Variants in OTOGL observed in about 807,000 individuals in gnomAD.
The protein encoded by OTOGL is otogelin-like protein.
OTOGL carries 285 observed loss-of-function variants against 318.5 expected under a neutral mutation model. The observed-to-expected ratio is 0.89, with a 90% CI of 0.81 to 0.99. OTOGL has a LOEUF of 0.99. OTOGL is among the 50% of genes least tolerant of loss of function. The pLI, the probability that OTOGL is intolerant of heterozygous loss-of-function variation, is 0.00. For missense variants in OTOGL, 2,899 were observed against 2,845.6 expected (o/e 1.02, Z -0.43); for synonymous variants, 987 against 936.5 (o/e 1.05, Z -0.99).
At chr12:80,127,056 T>A (rs1452776995) in intron 1 of OTOGL, among the ~76,000 whole-genome samples, 6 of 152,222 alleles carry the variant, frequency 3.9e-5, no homozygotes, top group Non-Finnish European at 7.3e-5. Flanking sequence ...AGGTTGATAT[T>A]GTTATGTGTG....
chr12:80,230,185 C>T (rs548796789), intron 8 of OTOGL, among the ~76,000 whole-genome samples: 162 of 152,168 alleles, frequency 1.1e-3, no homozygotes, highest in African/African-American at 3.6e-3. Flanking sequence ...TTCTTTCCAG[C>T]GCAATGGCTT....
intron 1 of OTOGL, among the ~76,000 whole-genome samples, chr12:80,115,469 C>T (rs1347578304): frequency 6.6e-6 from 1 of 151,946 alleles, no homozygotes. Flanking sequence ...TCCTCTGCTT[C>T]CTCTGGAGCA....
At chr12:80,287,431 A>G (rs951381031) in intron 26 of OTOGL, among the ~76,000 whole-genome samples, 8 of 151,682 alleles carry the variant, frequency 5.3e-5, no homozygotes, top group Admixed American at 2.6e-4. Context: ...TCCAGAGCTG[A>G]GTTCCAGTCC....
chr12:80,257,457 A>G (rs571325815), intron 17 of OTOGL, among the ~76,000 whole-genome samples: 1 of 152,068 alleles, frequency 6.6e-6, no homozygotes. Context: ...GATGATAGAG[A>G]TGGAGAGAAG....
At chr12:80,328,319 A>AAAC (rs3045899) in intron 35 of OTOGL, among the ~76,000 whole-genome samples, 27,189 of 148,456 alleles carry the variant, frequency 0.18, 4,143 homozygotes, top group African/African-American at 0.42. Context: ...ACCCTGTCAC[A>AAAC]AACAACAACA....
At chr12:80,150,861 AT>A in intron 1 of OTOGL, among the ~76,000 whole-genome samples, 1 of 152,328 alleles carries the variant, frequency 6.6e-6, no homozygotes, top group East Asian at 1.9e-4. Flanking sequence ...GATGCTTTTT[AT>A]TTACTTTTAA....
chr12:80,147,666 C>T (rs1174477605), intron 1 of OTOGL, among the ~76,000 whole-genome samples: 1 of 152,028 alleles, frequency 6.6e-6, no homozygotes, highest in African/African-American at 2.4e-5. Flanking sequence ...GTTAAAGTCT[C>T]CCATTGTTAA....
At chr12:80,286,616 C>T (rs1455273237) in intron 26 of OTOGL, among the ~76,000 whole-genome samples, 5 of 152,176 alleles carry the variant, frequency 3.3e-5, no homozygotes, top group Middle Eastern at 3.4e-3. Context: ...GTGTATGTGT[C>T]CAGGAATTTA....
intron 46 of OTOGL, 139 bp downstream of exon 46, chr12:80,353,649 T>G (rs1889700273): frequency 1.4e-6 from 1 of 711,278 alleles, no homozygotes; most frequent in Admixed American, 3.9e-5. Context: ...GTTTGTAGTT[T>G]GATTTTAATA....
chr12:80,112,708 T>C (rs959094023), intron 1 of OTOGL, among the ~76,000 whole-genome samples: 7 of 146,170 alleles, frequency 4.8e-5, no homozygotes, highest in Non-Finnish European at 9.0e-5. Context: ...AAATTTTCTT[T>C]CTTTTTTTTT....
intron 26 of OTOGL, among the ~76,000 whole-genome samples, chr12:80,292,161 T>C (rs933884931): frequency 5.3e-5 from 8 of 152,124 alleles, no homozygotes; most frequent in Admixed American, 1.3e-4. Context: ...GCTAATTTTG[T>C]ATTTTTAGTA....
Position 80,313,567 on chromosome 12 carries a change from C to T in OTOGL, c.3542C>T (p.Ala1181Val). The T allele has an allele frequency of 6.2e-7, 1 of 1,612,106 alleles. No individual in the cohort carries two copies. Among genetic ancestry groups the T allele is most frequent in the Middle Eastern group, 1.7e-4 (1 of 6,056 alleles). The change falls in exon 31 of 59, where the codon GCT becomes GTT. Residue 1181 changes from alanine (A) to valine (V), a missense_variant. Physicochemically the swap from Ala to Val is moderately conservative, Grantham distance 64. This residue lies in a region of OTOGL where 2,607 missense variants were observed against 2,524.9 expected (regional missense o/e 1.03). Transcript: ENST00000547103. ...GDCECLCTSI[A>V]AYAYKCCQEG... ...TGTGAGTGTTTGTGCACTAGTATAG[C>T]TGCATATGCATACAAGTGTTGTCAG...
At position 80,353,357 on chromosome 12, in the gene OTOGL, C is replaced by A; in HGVS notation, c.5440C>A (p.Pro1814Thr). The change falls in exon 46 of 59, where the codon CCC becomes ACC. Residue 1814 changes from proline (P) to threonine (T), a missense_variant. Pro to Thr is a conservative substitution (Grantham distance 38). Transcript: ENST00000547103. ...LSCPEGKEYQ[P>T]CVRPCEARTC... ...TTGCCCAGAGGGGAAGGAATATCAACCCTGTGTGCGACCTTGTGAAGCAAG... is the reference window on the plus strand; with the variant it reads ...TTGCCCAGAGGGGAAGGAATATCAAACCTGTGTGCGACCTTGTGAAGCAAG... 3.1e-6 allele frequency: 5 copies of A among 1,594,236 alleles called. No homozygotes were observed. In the South Asian group the frequency reaches 4.6e-5, roughly 15 times the overall value.
intron 1 of OTOGL, among the ~76,000 whole-genome samples, chr12:80,164,063 A>G (rs1452328672): frequency 6.6e-6 from 1 of 152,154 alleles, no homozygotes; most frequent in Non-Finnish European, 1.5e-5. Flanking sequence ...CCCCTCAAGA[A>G]TAGGGTACCC....
intron 53 of OTOGL, among the ~76,000 whole-genome samples, chr12:80,366,954 A>C (rs941211368): frequency 6.6e-6 from 1 of 151,892 alleles, no homozygotes; most frequent in Non-Finnish European, 1.5e-5. Context: ...GTATGATGTT[A>C]TGCCCATTAT....
rs770088012 is a variant in OTOGL at position 80,377,918 on chromosome 12, TAAGATTCTGCAAGTGTTGTCGTG to T, written c.6935_6957del (p.Arg2312LysfsTer18). 1 of 1,611,248 alleles carries T rather than the reference TAAGATTCTGCAAGTGTTGTCGTG, an allele frequency of 6.2e-7. No individual in the cohort carries two copies. Among genetic ancestry groups the T allele is most frequent in the Non-Finnish European group, 8.5e-7 (1 of 1,178,326 alleles). On this transcript the variant is annotated frameshift_variant, in exon 59 of 59. Coordinates refer to ENST00000547103, the MANE Select transcript of OTOGL (RefSeq NM_001378609.3). LOFTEE classifies it high-confidence loss of function. ...TATAACATCAATATTGAAAGTCACC[TAAGATTCTGCAAGTGTTGTCGTG>T]AAAATGGAGTACGAAACTTGTCTGT...
intron 4 of OTOGL, among the ~76,000 whole-genome samples, chr12:80,212,212 AT>A (rs560601938): frequency 7.4e-5 from 11 of 149,072 alleles, no homozygotes; most frequent in East Asian, 3.9e-4. Context: ...TAAAATACAC[AT>A]TTTTTTTTTG....
intron 24 of OTOGL, 129 bp from the exon 25 acceptor site, chr12:80,278,039 A>G (rs1315328919): frequency 4.5e-6 from 3 of 662,188 alleles, no homozygotes. Flanking sequence ...TCTCCTCAGT[A>G]GGTTAGATAG....
chr12:80,210,621 T>C lies in OTOGL; in HGVS notation c.80-226T>C, dbSNP rs1277061085. Among the ~76,000 whole-genome samples the C allele has an allele frequency of 2.6e-5, 4 of 152,282 alleles. 1 individual carries two copies. Among genetic ancestry groups the C allele is most frequent in the Middle Eastern group, 6.8e-3 (2 of 294 alleles). ...GGCTAGTGTCTGTTCAGTTGCATGG[T>C]GTCTCTGTGTAAATCCATGTACACT... On this transcript the variant is annotated intron_variant, in intron 2 of 58. Transcript: ENST00000547103.
Sources: gnomAD v4.1 joint callset for allele counts (sites outside exome capture counted in the v4.1 genomes callset) on GRCh38, gnomAD v4.1.1 for gene constraint, gnomAD v4.1.1 regional missense constraint, MANE v1.5 for transcripts, NCBI Gene and HGNC (gene_info 2026-07-23, HGNC 2026-07-21) for gene names.